Variants in P4HA1 observed in about 807,000 individuals in gnomAD.
P4HA1 encodes prolyl 4-hydroxylase subunit alpha-1.
P4HA1 carries 24 observed loss-of-function variants against 72.8 expected under a neutral mutation model. The ratio of observed to expected loss-of-function variants is 0.33; its 90% CI spans 0.24 to 0.46. P4HA1 has a LOEUF of 0.46. Among genes scored for constraint, P4HA1 ranks in the 20% least tolerant of loss-of-function variants. The pLI is 1.00. For missense variants in P4HA1, 446 were observed against 640.6 expected (o/e 0.70, Z 3.28); for synonymous variants, 201 against 218.8 (o/e 0.92, Z 0.72).
At chr10:73,012,119 G>C (rs1839921180) in intron 12 of P4HA1, among the ~76,000 whole-genome samples, 1 of 152,236 alleles carries the variant, frequency 6.6e-6, no homozygotes, top group South Asian at 2.1e-4. Flanking sequence ...AACAGGAAGG[G>C]TGTTTACATT....
chr10:73,025,204 C>T (rs931779231), intron 10 of P4HA1, among the ~76,000 whole-genome samples: 17 of 152,288 alleles, frequency 1.1e-4, no homozygotes, highest in Middle Eastern at 6.8e-3. Context: ...AGGCCAATAT[C>T]GCTGATGAAC....
intron 5 of P4HA1, among the ~76,000 whole-genome samples, chr10:73,067,073 GC>G (rs1161151657): frequency 1.3e-5 from 2 of 152,034 alleles, no homozygotes; most frequent in Non-Finnish European, 2.9e-5. Flanking sequence ...TTGCTATGCT[GC>G]CCAGGCTGGT....
At chr10:73,053,256 G>A in intron 6 of P4HA1, 95 bp downstream of exon 6, 1 of 1,239,928 alleles carries the variant, frequency 8.1e-7, no homozygotes, top group South Asian at 1.5e-5. Context: ...TAAAAAGTAA[G>A]AAAATACCAT....
At position 73,074,880 on chromosome 10, in the gene P4HA1, T is replaced by A. The variant is rs200566489; in HGVS notation, c.4A>T (p.Ile2Phe). The change falls in exon 2 of 15, where the codon ATC (isoleucine) becomes TTC (phenylalanine). Residue 2 changes from isoleucine (I) to phenylalanine (F), a missense_variant. Transcript: ENST00000394890. MIWYILIIGILL... is the reference protein window; with the variant it reads MFWYILIIGILL... The stretch of plus-strand genomic sequence containing the variant: ...ATTCCTATAATTAATATATACCAGA[T>A]CATCTTGGAAGATTTAATTTTACAG... 61 of 1,477,310 alleles carry A rather than the reference T, an allele frequency of 4.1e-5. No homozygotes were observed. The highest frequency in any genetic ancestry group is 1.5e-4 in the Admixed American group (9 of 58,172). 91.5% of individuals were successfully genotyped at this position (1,477,310 alleles called of 1,614,324 possible).
chr10:73,057,075 A>T (rs1841168496), intron 5 of P4HA1, among the ~76,000 whole-genome samples: 1 of 151,168 alleles, frequency 6.6e-6, no homozygotes. Context: ...AAAAAAAAAA[A>T]ATAGATTAAA....
intron 4 of P4HA1, among the ~76,000 whole-genome samples, chr10:73,071,517 T>C (rs1405420735): frequency 6.6e-6 from 1 of 152,122 alleles, no homozygotes; most frequent in African/African-American, 2.4e-5. Flanking sequence ...ACATCTGTTA[T>C]TAAAGTATCT....
chr10:73,011,652 C>A (rs1839912142), intron 12 of P4HA1, among the ~76,000 whole-genome samples: 1 of 151,916 alleles, frequency 6.6e-6, no homozygotes, highest in Non-Finnish European at 1.5e-5. Context: ...CAAAGAATCA[C>A]AAAAAACAAG....
At chr10:73,014,134 A>C in intron 12 of P4HA1, 90 bp downstream of exon 12, 1 of 860,584 alleles carries the variant, frequency 1.2e-6, no homozygotes, top group Non-Finnish European at 1.9e-6. Context: ...TAGGATGCTG[A>C]ATCAGAGCTA....
chr10:73,024,801 A>C (rs190114421), intron 10 of P4HA1, among the ~76,000 whole-genome samples: 4 of 152,364 alleles, frequency 2.6e-5, no homozygotes, highest in African/African-American at 9.6e-5. Context: ...AAAAATGATA[A>C]AGGGGATATC....
At chr10:73,033,355 A>G (rs187988867) in intron 9 of P4HA1, among the ~76,000 whole-genome samples, 56 of 152,202 alleles carry the variant, frequency 3.7e-4, no homozygotes, top group Admixed American at 3.2e-3. Context: ...ACTTTTAAAT[A>G]TCTAGTCTTA....
rs1839942759 is a variant in P4HA1, at chr10:73,013,023, T to TGACC, written c.1368+1197_1368+1200dup. Among the ~76,000 whole-genome samples the TGACC allele has an allele frequency of 5.3e-5, 8 of 152,296 alleles. No individual in the cohort carries two copies. In the South Asian group the frequency reaches 1.7e-3, roughly 32 times the overall value. On this transcript the variant is annotated intron_variant, in intron 12 of 14. Transcript: ENST00000394890. Reference sequence around the variant, plus strand: ...GTTGGCCAGGCTGGTCTCGAACTCCTGACCTCAAGTGATCTGCCCGCCTCG... The same window carrying TGACC: ...GTTGGCCAGGCTGGTCTCGAACTCCTGACCGACCTCAAGTGATCTGCCCGCCTCG...
intron 1 of P4HA1, among the ~76,000 whole-genome samples, chr10:73,077,607 A>T (rs1427799618): frequency 6.6e-6 from 1 of 152,196 alleles, no homozygotes; most frequent in Non-Finnish European, 1.5e-5. Flanking sequence ...AAATAGTTAT[A>T]ATCAACAAAA....
chr10:73,061,146 A>T (rs532395787), intron 5 of P4HA1, among the ~76,000 whole-genome samples: 5 of 152,360 alleles, frequency 3.3e-5, no homozygotes, highest in Non-Finnish European at 5.9e-5. Flanking sequence ...TGGAGGGATC[A>T]GGCTCTCATC....
intron 12 of P4HA1, among the ~76,000 whole-genome samples, 184 bp from the exon 13 acceptor site, chr10:73,011,221 TAAAA>T (rs1296745383): frequency 6.6e-6 from 1 of 151,952 alleles, no homozygotes; most frequent in African/African-American, 2.4e-5. Context: ...TATACATAAG[TAAAA>T]AAACTACAAA....
chr10:73,022,936 G>C (rs1409840534), intron 10 of P4HA1, among the ~76,000 whole-genome samples: 1 of 152,102 alleles, frequency 6.6e-6, no homozygotes, highest in Non-Finnish European at 1.5e-5. Flanking sequence ...AAGAAGACAA[G>C]TTTAGAGAAA....
intron 5 of P4HA1, among the ~76,000 whole-genome samples, chr10:73,055,552 T>G (rs945311919): frequency 1.3e-5 from 2 of 152,158 alleles, no homozygotes; most frequent in African/African-American, 4.8e-5. Flanking sequence ...GTGTGTTGTC[T>G]TTTCACTCTC....
intron 10 of P4HA1, among the ~76,000 whole-genome samples, chr10:73,024,902 A>C (rs899285270): frequency 2.6e-5 from 4 of 152,236 alleles, no homozygotes; most frequent in Non-Finnish European, 4.4e-5. Flanking sequence ...AGAAATGGAT[A>C]AATTCCTGGA....
chr10:73,051,113 C>T lies in P4HA1; in HGVS notation c.840G>A (p.Val280=). Residue 280 remains valine, a synonymous_variant, in exon 7 of 15, where the codon GTG becomes GTA. Coordinates refer to ENST00000394890, the MANE Select transcript of P4HA1 (RefSeq NM_001017962.3). The stretch of plus-strand genomic sequence containing the variant: ...ACTTCTGTCTCTCTGGCAGGTAATC[C>T]ACAGCAACCCCTTTTTTCTTTGGTG... The part of the protein sequence containing the change: ...KTTPKKKGVA[V]DYLPERQKYE... 1.2e-6 allele frequency: 2 copies of T among 1,614,100 alleles called. No homozygotes were observed. The highest frequency in any genetic ancestry group is 1.7e-6 in the Non-Finnish European group (2 of 1,179,986).
intron 1 of P4HA1, among the ~76,000 whole-genome samples, chr10:73,093,706 G>A (rs1842084258): frequency 6.7e-6 from 1 of 150,212 alleles, no homozygotes; most frequent in South Asian, 2.1e-4. Context: ...AGCTGGGCGT[G>A]ATGGTGGGCG....
Sources: allele counts gnomAD v4.1 joint callset (sites outside exome capture counted in the v4.1 genomes callset), GRCh38; gene constraint gnomAD v4.1.1; transcripts MANE v1.5; gene names NCBI Gene and HGNC (gene_info 2026-07-23, HGNC 2026-07-21).